Variants in MAGI3 observed in about 807,000 individuals in gnomAD.
MAGI3 encodes membrane-associated guanylate kinase, WW and PDZ domain-containing protein 3.
Under a neutral mutation model 121.8 loss-of-function variants are expected in MAGI3, and 43 were observed. The observed-to-expected ratio is 0.35, with a 90% CI of 0.28 to 0.46. The LOEUF is 0.46. Among genes scored for constraint, MAGI3 ranks in the 20% least tolerant of loss-of-function variants. MAGI3 has a pLI of 1.00. For missense variants in MAGI3, 1,547 were observed against 1,797.3 expected, an observed-to-expected ratio of 0.86 and a Z score of 2.52; for synonymous variants, 553 against 639.3, an observed-to-expected ratio of 0.86 and a Z score of 2.04.
chr1:113,412,696 C>T (rs994507715), intron 1 of MAGI3, among the ~76,000 whole-genome samples: 2 of 151,830 alleles, frequency 1.3e-5, no homozygotes, highest in Non-Finnish European at 2.9e-5. Flanking sequence ...TGTTCATATC[C>T]TCTGCCCGCT....
At chr1:113,607,313 T>C (rs1649834187) in intron 6 of MAGI3, among the ~76,000 whole-genome samples, 1 of 152,220 alleles carries the variant, frequency 6.6e-6, no homozygotes, top group African/African-American at 2.4e-5. Context: ...CCAGAGTGCC[T>C]TGAGGGAGGA....
At chr1:113,650,187 A>C (rs571932557) in intron 13 of MAGI3, among the ~76,000 whole-genome samples, 1 of 152,304 alleles carries the variant, frequency 6.6e-6, no homozygotes, top group Non-Finnish European at 1.5e-5. Context: ...CATATTGGTT[A>C]CAGTTACAAC....
intron 4 of MAGI3, among the ~76,000 whole-genome samples, chr1:113,589,506 G>A (rs1648569952): frequency 2.0e-5 from 3 of 152,020 alleles, no homozygotes; most frequent in South Asian, 4.2e-4. Context: ...TATTTACAAG[G>A]GAATAATTAT....
At chr1:113,604,167 A>C (rs1383296289) in intron 6 of MAGI3, among the ~76,000 whole-genome samples, 1 of 152,180 alleles carries the variant, frequency 6.6e-6, no homozygotes, top group African/African-American at 2.4e-5. Context: ...ATTATATCAA[A>C]AAGACACCTG....
At chr1:113,517,520 G>A (rs575882380) in intron 1 of MAGI3, among the ~76,000 whole-genome samples, 1 of 151,884 alleles carries the variant, frequency 6.6e-6, no homozygotes, top group Non-Finnish European at 1.5e-5. Flanking sequence ...TAGGCACAAA[G>A]GTGCAAAGTA....
chr1:113,595,645 C>T (rs1168139591), intron 6 of MAGI3, among the ~76,000 whole-genome samples: 1 of 152,126 alleles, frequency 6.6e-6, no homozygotes, highest in Non-Finnish European at 1.5e-5. Context: ...TCTACAATGG[C>T]ATCAAAAAAG....
At chr1:113,678,117 T>G (rs185720749) in intron 19 of MAGI3, among the ~76,000 whole-genome samples, 3 of 149,780 alleles carry the variant, frequency 2.0e-5, no homozygotes, top group African/African-American at 5.1e-5. Context: ...TTTGTTGTTT[T>G]TTTTTTTTGC....
intron 1 of MAGI3, among the ~76,000 whole-genome samples, chr1:113,514,124 A>T (rs1419748075): frequency 6.6e-6 from 1 of 152,172 alleles, no homozygotes; most frequent in African/African-American, 2.4e-5. Context: ...GTCAGGAAAC[A>T]ACAGGTGCTG....
chr1:113,492,359 G>A (rs1242872145), intron 1 of MAGI3, among the ~76,000 whole-genome samples: 3 of 152,102 alleles, frequency 2.0e-5, no homozygotes, highest in South Asian at 2.1e-4. Context: ...GGTATCAAAG[G>A]AACATACCTC....
chr1:113,496,353 G>A (rs1656917083), intron 1 of MAGI3, among the ~76,000 whole-genome samples: 1 of 152,104 alleles, frequency 6.6e-6, no homozygotes, highest in South Asian at 2.1e-4. Flanking sequence ...CTGAATTTGA[G>A]GTTTGAATTA....
intron 9 of MAGI3, among the ~76,000 whole-genome samples, chr1:113,623,664 T>A (rs1191158066): frequency 1.3e-5 from 2 of 152,040 alleles, no homozygotes; most frequent in African/African-American, 2.4e-5. Context: ...ATTTTTTGTA[T>A]TTTTAGTAGA....
intron 14 of MAGI3, among the ~76,000 whole-genome samples, chr1:113,652,168 G>A (rs905315131): frequency 3.9e-5 from 6 of 152,022 alleles, no homozygotes; most frequent in Non-Finnish European, 5.9e-5. Context: ...ATAGTTTCTC[G>A]CCAGTAGCTT....
chr1:113,429,650 A>C (rs1653199808), intron 1 of MAGI3, among the ~76,000 whole-genome samples: 1 of 152,144 alleles, frequency 6.6e-6, no homozygotes, highest in South Asian at 2.1e-4. Flanking sequence ...GGCTGAAGTG[A>C]AGTTACAAAG....
At chr1:113,634,093 G>T (rs1056811347) in intron 9 of MAGI3, among the ~76,000 whole-genome samples, 7 of 151,896 alleles carry the variant, frequency 4.6e-5, no homozygotes, top group East Asian at 1.9e-4. Flanking sequence ...GTTTGTTTTT[G>T]TCTTGTAAAT....
Position 113,673,414 on chromosome 1 carries a change from CA to C in MAGI3, c.3139del (p.Ile1047SerfsTer53). On this transcript the variant is annotated frameshift_variant, in exon 19 of 21. Transcript: ENST00000307546. LOFTEE classifies it high-confidence loss of function. ...GGKEYNMGLF[I>X]LRLAEDGPAI... Reference sequence around the variant, plus strand: ...GGAAGGAGTACAACATGGGGCTGTTCATCCTTCGTCTTGCTGAAGATGGTCC... The same window carrying C: ...GGAAGGAGTACAACATGGGGCTGTTCTCCTTCGTCTTGCTGAAGATGGTCC... 6.2e-7 allele frequency: 1 copy of C among 1,613,074 alleles called. No homozygotes were observed. The highest frequency in any genetic ancestry group is 8.5e-7 in the Non-Finnish European group (1 of 1,179,940).
intron 1 of MAGI3, among the ~76,000 whole-genome samples, chr1:113,413,001 A>G (rs1483461305): frequency 6.6e-6 from 1 of 152,104 alleles, no homozygotes; most frequent in East Asian, 1.9e-4. Flanking sequence ...TAGGGTTTTT[A>G]TGGTTTTAGG....
intron 2 of MAGI3, among the ~76,000 whole-genome samples, chr1:113,574,870 A>C (rs1409033982): frequency 6.6e-6 from 1 of 152,024 alleles, no homozygotes; most frequent in Non-Finnish European, 1.5e-5. Flanking sequence ...TATTTCTTGG[A>C]AGCTTTGTTT....
chr1:113,514,249 A>G (rs1044703778), intron 1 of MAGI3, among the ~76,000 whole-genome samples: 3 of 152,042 alleles, frequency 2.0e-5, no homozygotes, highest in Non-Finnish European at 4.4e-5. Flanking sequence ...TAGAAATACC[A>G]TTTGACCCAG....
chr1:113,667,441 T>A (rs1215209266), intron 16 of MAGI3, among the ~76,000 whole-genome samples: 1 of 152,218 alleles, frequency 6.6e-6, no homozygotes, highest in Non-Finnish European at 1.5e-5. Flanking sequence ...GCTTCACACT[T>A]TTCTTCTGCA....
Sources: gnomAD v4.1 joint callset for allele counts (sites outside exome capture counted in the v4.1 genomes callset) on GRCh38, gnomAD v4.1.1 for gene constraint, MANE v1.5 for transcripts, NCBI Gene and HGNC (gene_info 2026-07-23, HGNC 2026-07-21) for gene names.